DNM2: variants seen among roughly 807,000 people sequenced by gnomAD.
DNM2 encodes the protein dynamin-2.
DNM2 carries 15 observed loss-of-function variants against 99.0 expected under a neutral mutation model. The observed-to-expected ratio is 0.15, with a 90% CI of 0.10 to 0.23. DNM2 has a LOEUF of 0.23. Among genes scored for constraint, DNM2 ranks in the 10% least tolerant of loss-of-function variants. DNM2 has a pLI of 1.00. For missense variants in DNM2, 742 were observed against 1,189.4 expected (o/e 0.62, Z 5.53); for synonymous variants, 525 against 481.2 (o/e 1.09, Z -1.19).
chr19:10,739,426 C>T (rs560702068), intron 1 of DNM2, among the ~76,000 whole-genome samples: 1 of 152,330 alleles, frequency 6.6e-6, no homozygotes, highest in African/African-American at 2.4e-5. Flanking sequence ...GTTCCTCCCT[C>T]CCCCAGCACC....
At chr19:10,738,211 T>C (rs566500877) in intron 1 of DNM2, among the ~76,000 whole-genome samples, 4 of 151,816 alleles carry the variant, frequency 2.6e-5, no homozygotes, top group Admixed American at 6.6e-5. Flanking sequence ...TGAGCCAAGA[T>C]CACGCCGCTG....
intron 1 of DNM2, among the ~76,000 whole-genome samples, chr19:10,758,423 C>T (rs866678831): frequency 2.7e-4 from 13 of 47,632 alleles, no homozygotes; most frequent in African/African-American, 8.5e-4. Context: ...CCTTCCCTCC[C>T]TCCTTCCCTC....
chr19:10,731,392 C>T (rs1317158150), intron 1 of DNM2, among the ~76,000 whole-genome samples: 7 of 147,308 alleles, frequency 4.8e-5, no homozygotes, highest in African/African-American at 1.5e-4. Flanking sequence ...CTCACAGTGT[C>T]GCCCGGGCTG....
Position 10,812,825 on chromosome 19 carries a change from C to G in DNM2, c.1671+448C>G, listed in dbSNP as rs1200697315. 6.6e-6 allele frequency among the ~76,000 whole-genome samples: 1 copy of G among 152,180 alleles called. No homozygotes were observed. ...AAACAAACAAAAAACAACCGTAACC[C>G]AGGGCTGGAGAGCAGCCACCATGTG... On this transcript the variant is annotated intron_variant, in intron 15 of 20. Coordinates refer to ENST00000389253, the MANE Select transcript of DNM2 (RefSeq NM_001005361.3). This position sits in a 1 kb window ranked among gnomAD's most constrained non-coding sequence, Gnocchi z 4.0.
chr19:10,754,594 T>C (rs2070320625), intron 1 of DNM2, among the ~76,000 whole-genome samples: 1 of 151,388 alleles, frequency 6.6e-6, no homozygotes, highest in Non-Finnish European at 1.5e-5. Context: ...TCTTGTCTTC[T>C]TCTTCTTCTT....
In DNM2 at chr19:10,820,729, C is replaced by A. The variant is rs758476343; in HGVS notation, c.1781+640C>A. ...GCATCAGGGAGGCACCTGGGTAGAT[C>A]GAGGAGTGTGATGTCCAGGAACGAG... On this transcript the variant is annotated intron_variant, in intron 16 of 20. Transcript: ENST00000389253. The surrounding 1 kb of genome is among the most constrained non-coding windows in gnomAD (Gnocchi z 4.3). 6.6e-6 allele frequency among the ~76,000 whole-genome samples: 1 copy of A among 152,272 alleles called. No individual in the cohort carries two copies. Among genetic ancestry groups the A allele is most frequent in the East Asian group, 1.9e-4 (1 of 5,180 alleles).
Position 10,764,961 on chromosome 19 carries a change from CTTTTTTTTTT to C in DNM2, c.235+5157_235+5166del, listed in dbSNP as rs1173396952. 2.3e-4 allele frequency among the ~76,000 whole-genome samples: 32 copies of C among 141,898 alleles called. No individual in the cohort carries two copies. The South Asian group carries it at 7.0e-3, about 31-fold the overall frequency. 93.1% of individuals were successfully genotyped at this position (141,898 alleles called of 152,430 possible). On this transcript the variant is annotated intron_variant, in intron 2 of 20. Coordinates refer to ENST00000389253, the MANE Select transcript of DNM2 (RefSeq NM_001005361.3). The surrounding 1 kb of genome is among the most constrained non-coding windows in gnomAD (Gnocchi z 4.1). ...TATCCTGTTCTTGTTTTTTCTTTTT[CTTTTTTTTTT>C]TTTTTTGAGATGGAGTCTCGCTGTC...
At chr19:10,750,028 A>G (rs2070138150) in intron 1 of DNM2, among the ~76,000 whole-genome samples, 1 of 152,196 alleles carries the variant, frequency 6.6e-6, no homozygotes, top group South Asian at 2.1e-4. Flanking sequence ...CTAGGACTGG[A>G]CAGGACGGGC....
intron 1 of DNM2, among the ~76,000 whole-genome samples, chr19:10,734,638 C>CAAAA (rs61458566): frequency 3.6e-4 from 21 of 58,520 alleles, no homozygotes; most frequent in East Asian, 1.1e-3. Flanking sequence ...GACCCTGTCT[C>CAAAA]AAAAAAAAAA....
chr19:10,786,400 T>A, intron 6 of DNM2, 164 bp from the exon 7 acceptor site: 1 of 1,137,056 alleles, frequency 8.8e-7, no homozygotes, highest in Non-Finnish European at 1.3e-6. Context: ...CAGACATGAG[T>A]GTGTCTGTGG....
chr19:10,823,003 G>A (rs944530932), intron 16 of DNM2, among the ~76,000 whole-genome samples: 1 of 152,056 alleles, frequency 6.6e-6, no homozygotes, highest in Non-Finnish European at 1.5e-5. Flanking sequence ...TACTCGGGAG[G>A]CTGAGGCAGG....
At chr19:10,786,974 G>A (rs1428623732) in intron 7 of DNM2, among the ~76,000 whole-genome samples, 2 of 152,238 alleles carry the variant, frequency 1.3e-5, no homozygotes, top group African/African-American at 4.8e-5. Context: ...TGTATAGTGT[G>A]TTAAATGTCA....
rs2146028015 is a variant in DNM2, at chr19:10,796,502, C to T, written c.1197-878C>T. On this transcript the variant is annotated intron_variant, in intron 9 of 20. Coordinates refer to ENST00000389253, the MANE Select transcript of DNM2 (RefSeq NM_001005361.3). This position sits in a 1 kb window ranked among gnomAD's most constrained non-coding sequence, Gnocchi z 5.6. Reference sequence around the variant, plus strand: ...GGGGTTTCACTGGGCTGTTGCTTTGCTGCCTCCTGGGAAGCAGAGAGGGAC... The same window carrying T: ...GGGGTTTCACTGGGCTGTTGCTTTGTTGCCTCCTGGGAAGCAGAGAGGGAC... Among the ~76,000 whole-genome samples, 1 of 152,270 alleles carries T rather than the reference C, an allele frequency of 6.6e-6. No homozygotes were observed. The highest frequency in any genetic ancestry group is 2.1e-4 in the South Asian group (1 of 4,828).
At chr19:10,771,626 C>T (rs758702810) in intron 2 of DNM2, among the ~76,000 whole-genome samples, 1 of 152,036 alleles carries the variant, frequency 6.6e-6, no homozygotes, top group Non-Finnish European at 1.5e-5. Context: ...GCTGGTGGAC[C>T]ATGAATCCAC....
At chr19:10,743,449 C>T (rs1352027922) in intron 1 of DNM2, among the ~76,000 whole-genome samples, 2 of 150,084 alleles carry the variant, frequency 1.3e-5, no homozygotes, top group African/African-American at 4.9e-5. Context: ...CTGAGGCAGG[C>T]GGATCATCTG....
chr19:10,743,160 C>T (rs1384574745), intron 1 of DNM2, among the ~76,000 whole-genome samples: 1 of 151,948 alleles, frequency 6.6e-6, no homozygotes, highest in East Asian at 2.0e-4. Context: ...CCTGCCATGG[C>T]CTCCCAAAAT....
intron 7 of DNM2, among the ~76,000 whole-genome samples, chr19:10,790,414 A>G (rs1301908913): frequency 6.6e-6 from 1 of 152,206 alleles, no homozygotes; most frequent in East Asian, 1.9e-4. Context: ...GTTAAGGAAC[A>G]TACGTGTTTA....
At chr19:10,777,095 C>T in intron 4 of DNM2, 23 bp from the exon 5 acceptor site, 1 of 1,613,686 alleles carries the variant, frequency 6.2e-7, no homozygotes, top group Non-Finnish European at 8.5e-7. Context: ...AGCCTCTGAC[C>T]TCTGACCTCT....
Position 10,812,160 on chromosome 19 carries a change from T to C in DNM2, c.1558-104T>C. 1 of 947,786 alleles carries C rather than the reference T, an allele frequency of 1.1e-6. No homozygotes were observed. Among genetic ancestry groups the C allele is most frequent in the Non-Finnish European group, 1.6e-6 (1 of 622,048 alleles). 58.7% of individuals were successfully genotyped at this position (947,786 alleles called of 1,614,324 possible). On this transcript the variant is annotated intron_variant, in intron 14 of 20. Coordinates refer to ENST00000389253, the MANE Select transcript of DNM2 (RefSeq NM_001005361.3). The surrounding 1 kb of genome is among the most constrained non-coding windows in gnomAD (Gnocchi z 4.0). ...GGCTTTGGGGCTGGAGGTGTCTCTA[T>C]TGCGGTCCCTGGCTTCCCACTGAGC...
Sources: gnomAD v4.1 joint callset for allele counts (sites outside exome capture counted in the v4.1 genomes callset) on GRCh38, gnomAD v4.1.1 for gene constraint, Gnocchi (gnomAD v3.1) non-coding constraint, MANE v1.5 for transcripts, NCBI Gene and HGNC (gene_info 2026-07-23, HGNC 2026-07-21) for gene names.